The following GABRG3 variants were observed in gnomAD, a reference collection of about 807,000 sequenced individuals.
GABRG3 encodes the protein gamma-aminobutyric acid receptor subunit gamma-3.
A neutral mutation model predicts 48.8 loss-of-function variants in GABRG3; 25 were observed. The observed-to-expected ratio is 0.51, with a 90% CI of 0.37 to 0.72. The LOEUF (loss-of-function observed/expected upper bound fraction) is 0.72, where lower values mean the gene tolerates loss of function less well. Among genes scored for constraint, GABRG3 ranks in the 30% least tolerant of loss-of-function variants. The probability of loss-of-function intolerance (pLI) is 0.00; values close to 1 mark genes in which losing one functional copy is unlikely to be tolerated. For synonymous variants in GABRG3, 227 were observed against 217.6 expected (o/e 1.04, Z -0.38); for missense variants, 394 against 577.9 (o/e 0.68, Z 3.26).
chr15:27,151,111 A>G (rs1254898243), intron 3 of GABRG3, among the ~76,000 whole-genome samples: 1 of 152,220 alleles, frequency 6.6e-6, no homozygotes, highest in Non-Finnish European at 1.5e-5. Flanking sequence ...ACTGTCTCTC[A>G]ATAATGACAT....
rs536317134 is a variant in GABRG3, at chr15:27,097,507, C to G, written c.270+70686C>G. Among the ~76,000 whole-genome samples the G allele has an allele frequency of 5.9e-5, 9 of 152,188 alleles. No individual in the cohort carries two copies. In the South Asian group the frequency reaches 1.9e-3, roughly 32 times the overall value. On this transcript the variant is annotated intron_variant, in intron 3 of 9. Coordinates refer to ENST00000615808, the MANE Select transcript of GABRG3 (RefSeq NM_033223.5). ...CTTTACTTCCTTTGTTTTTCTCTTT[C>G]TCTTTTTCTTTCTTCTTGTCTCTCC...
intron 2 of GABRG3, among the ~76,000 whole-genome samples, chr15:26,980,732 ATTCTT>A (rs908845186): frequency 2.0e-5 from 3 of 150,598 alleles, no homozygotes; most frequent in African/African-American, 7.3e-5. Flanking sequence ...ATTTGAGACT[ATTCTT>A]TTCTTATGTA....
At chr15:27,445,875 T>G (rs1888928958) in intron 5 of GABRG3, among the ~76,000 whole-genome samples, 1 of 152,188 alleles carries the variant, frequency 6.6e-6, no homozygotes, top group Admixed American at 6.5e-5. Flanking sequence ...TATCCAATTG[T>G]GCCAGCACCA....
rs542942832 is a variant in GABRG3, at chr15:27,087,883, A to C, written c.270+61062A>C. Among the ~76,000 whole-genome samples the C allele has an allele frequency of 3.7e-5, 5 of 134,848 alleles. No homozygotes were observed. In the South Asian group the frequency reaches 1.2e-3, roughly 33 times the overall value. The allele number at this position is 134,848 out of a possible 152,430, so 88.5% of individuals were successfully genotyped here. A position where few individuals can be genotyped will look rare whatever the true frequency, so the allele number is the denominator to read the frequency against. On this transcript the variant is annotated intron_variant, in intron 3 of 9. Transcript: ENST00000615808. ...TGCTGTGGGGTGTGTGTGGTGTGCTATGGGGTGTGTGTGTGCATGTGTGAG... is the reference window on the plus strand; with the variant it reads ...TGCTGTGGGGTGTGTGTGGTGTGCTCTGGGGTGTGTGTGTGCATGTGTGAG...
chr15:27,065,451 T>C (rs1046279207), intron 3 of GABRG3, among the ~76,000 whole-genome samples: 5 of 152,162 alleles, frequency 3.3e-5, no homozygotes, highest in Admixed American at 6.5e-5. Context: ...TGTTTCCCGA[T>C]GGTGAGGACA....
Position 27,457,818 on chromosome 15 carries a change from G to C in GABRG3, c.575-22832G>C, listed in dbSNP as rs1000265265. On this transcript the variant is annotated intron_variant, in intron 5 of 9. Coordinates refer to ENST00000615808, the MANE Select transcript of GABRG3 (RefSeq NM_033223.5). The surrounding 1 kb of genome is among the most constrained non-coding windows in gnomAD (Gnocchi z 4.4). The stretch of plus-strand genomic sequence containing the variant: ...TAAAGGACAGAATGTATTTGTCAAA[G>C]CACCTGTGCAGTGACTCCCACTCAG... Among the ~76,000 whole-genome samples, 5 of 152,186 alleles carry C rather than the reference G, an allele frequency of 3.3e-5. No homozygotes were observed. The highest frequency in any genetic ancestry group is 5.9e-5 in the Non-Finnish European group (4 of 68,028).
chr15:27,239,409 A>G (rs1297933273), intron 3 of GABRG3, among the ~76,000 whole-genome samples: 17 of 152,328 alleles, frequency 1.1e-4, no homozygotes, highest in Non-Finnish European at 2.9e-5. Context: ...ACAGAAGAAT[A>G]TTCGCTAAAT....
chr15:27,142,677 T>C (rs1898126665), intron 3 of GABRG3, among the ~76,000 whole-genome samples: 1 of 152,108 alleles, frequency 6.6e-6, no homozygotes, highest in African/African-American at 2.4e-5. Flanking sequence ...ATGGCAGTGT[T>C]TTGGGCAAGT....
Position 27,462,633 on chromosome 15 carries a change from G to T in GABRG3, c.575-18017G>T, listed in dbSNP as rs148984836. ...TTGAAATACTGTGTTTTATTCCAGT[G>T]TTAACTTCTCCTATCACTTGATATA... On this transcript the variant is annotated intron_variant, in intron 5 of 9. Transcript: ENST00000615808. Among the ~76,000 whole-genome samples the T allele has an allele frequency of 3.3e-3, 502 of 152,230 alleles. 3 individuals carry two copies. Among genetic ancestry groups the T allele is most frequent in the African/African-American group, 0.011 (465 of 41,534 alleles).
In GABRG3 at chr15:27,421,791, C is replaced by T. The variant is rs537018492; in HGVS notation, c.575-58859C>T. Among the ~76,000 whole-genome samples the T allele has an allele frequency of 5.3e-5, 8 of 152,102 alleles. No individual in the cohort carries two copies. The East Asian group carries it at 1.2e-3, about 22-fold the overall frequency. Reference sequence around the variant, plus strand: ...CCATGGGAGTGGGCTGCTTATCTACCAATACTGAGTGTTCTAAGATATCCA... The same window carrying T: ...CCATGGGAGTGGGCTGCTTATCTACTAATACTGAGTGTTCTAAGATATCCA... On this transcript the variant is annotated intron_variant, in intron 5 of 9. Coordinates refer to ENST00000615808, the MANE Select transcript of GABRG3 (RefSeq NM_033223.5).
At chr15:27,305,704 A>T (rs1241364471) in intron 3 of GABRG3, among the ~76,000 whole-genome samples, 1 of 56,608 alleles carries the variant, frequency 1.8e-5, no homozygotes, top group Admixed American at 2.6e-4. Flanking sequence ...TATAATATAA[A>T]CCTATATGTT....
chr15:27,057,404 T>C (rs1398177442), intron 3 of GABRG3, among the ~76,000 whole-genome samples: 1 of 152,232 alleles, frequency 6.6e-6, no homozygotes, highest in African/African-American at 2.4e-5. Flanking sequence ...TTACGGTGAT[T>C]TATGCCTCTG....
chr15:26,996,833 T>C (rs990453152), intron 2 of GABRG3, among the ~76,000 whole-genome samples: 1 of 151,926 alleles, frequency 6.6e-6, no homozygotes, highest in Non-Finnish European at 1.5e-5. Context: ...TGTATTTTTT[T>C]AGTAGAGACG....
chr15:27,153,959 G>A (rs1898370336), intron 3 of GABRG3, among the ~76,000 whole-genome samples: 1 of 152,158 alleles, frequency 6.6e-6, no homozygotes, highest in Non-Finnish European at 1.5e-5. Flanking sequence ...AGGAAGACAT[G>A]ATACATCAGT....
At chr15:27,000,136 A>G (rs1015549848) in intron 2 of GABRG3, among the ~76,000 whole-genome samples, 3 of 152,240 alleles carry the variant, frequency 2.0e-5, no homozygotes, top group Middle Eastern at 3.4e-3. Context: ...TTGAATTTTG[A>G]TTGATTATTC....
In GABRG3 at chr15:27,536,058, C is replaced by CT. The variant is rs1473000728; in HGVS notation, c.*3178dup. The CT allele has an allele frequency of 2.6e-5, 4 of 152,318 alleles. No individual in the cohort carries two copies. The highest frequency in any genetic ancestry group is 6.5e-5 in the Admixed American group (1 of 15,308). The allele number at this position is 152,318 out of a possible 1,614,324, so 9.4% of individuals were successfully genotyped here. A position where few individuals can be genotyped will look rare whatever the true frequency, so the allele number is the denominator to read the frequency against. Reference sequence around the variant, plus strand: ...TGTGTTCCTCACTTTCAGAAATACTCTAAGTTGAGGAGATGACAGTTCTGT... The same window carrying CT: ...TGTGTTCCTCACTTTCAGAAATACTCTTAAGTTGAGGAGATGACAGTTCTGT... On this transcript the variant is annotated 3_prime_UTR_variant, in exon 10 of 10. Transcript: ENST00000615808.
At chr15:27,228,908 G>T (rs923156176) in intron 3 of GABRG3, among the ~76,000 whole-genome samples, 68 of 152,212 alleles carry the variant, frequency 4.5e-4, no homozygotes, top group African/African-American at 1.3e-3. Context: ...TTTTAATGGG[G>T]TTTTTTGTTT....
At chr15:27,250,537 C>T (rs1184261630) in intron 3 of GABRG3, among the ~76,000 whole-genome samples, 2 of 152,132 alleles carry the variant, frequency 1.3e-5, no homozygotes, top group African/African-American at 4.8e-5. Flanking sequence ...AGCGATTCTC[C>T]TGCCTCAGCC....
At chr15:27,532,361 C>CCTTTCTTCCTT (rs1011176496) in intron 9 of GABRG3, among the ~76,000 whole-genome samples, 3 of 149,826 alleles carry the variant, frequency 2.0e-5, no homozygotes, top group Admixed American at 6.6e-5. Flanking sequence ...GAAGCTTCCT[C>CCTTTCTTCCTT]CTTTCTTCCT....
Sources: gnomAD v4.1 joint callset for allele counts (sites outside exome capture counted in the v4.1 genomes callset) on GRCh38, gnomAD v4.1.1 for gene constraint, Gnocchi (gnomAD v3.1) non-coding constraint, MANE v1.5 for transcripts, NCBI Gene and HGNC (gene_info 2026-07-23, HGNC 2026-07-21) for gene names.